ADAMTSL1: variants seen among roughly 807,000 people sequenced by gnomAD.
The protein encoded by ADAMTSL1 is ADAMTS like 1.
ADAMTSL1 carries 126 observed loss-of-function variants against 201.8 expected under a neutral mutation model. That is an observed-to-expected ratio of 0.62 (90% confidence interval 0.54 to 0.72). The LOEUF is 0.72. Ranked by LOEUF, ADAMTSL1 falls within the 30% of genes least tolerant of loss-of-function variation. ADAMTSL1 has a pLI of 0.00. For synonymous variants in ADAMTSL1, 1,121 were observed against 903.4 expected (o/e 1.24, Z -4.32); for missense variants, 2,679 against 2,277.8 (o/e 1.18, Z -3.59).
At chr9:17,918,710 A>T (rs1184976055) in intron 1 of ADAMTSL1, among the ~76,000 whole-genome samples, 1 of 151,866 alleles carries the variant, frequency 6.6e-6, no homozygotes, top group Non-Finnish European at 1.5e-5. Flanking sequence ...ACCATTGTTC[A>T]AGTCTTCCAT....
intron 1 of ADAMTSL1, among the ~76,000 whole-genome samples, chr9:18,013,744 T>C (rs1303215482): frequency 6.6e-6 from 1 of 152,000 alleles, no homozygotes; most frequent in African/African-American, 2.4e-5. Flanking sequence ...CCTCTGTTAG[T>C]CTAATTTAAA....
chr9:18,181,299 A>G (rs1238087042), intron 2 of ADAMTSL1, among the ~76,000 whole-genome samples: 1 of 152,234 alleles, frequency 6.6e-6, no homozygotes, highest in African/African-American at 2.4e-5. Context: ...ATCTCATTAA[A>G]CTAAAGAGCT....
intron 2 of ADAMTSL1, among the ~76,000 whole-genome samples, chr9:18,165,760 CT>C (rs1281942881): frequency 6.6e-6 from 1 of 151,942 alleles, no homozygotes; most frequent in Non-Finnish European, 1.5e-5. Flanking sequence ...CTAACAATTT[CT>C]GTGGAAGGTG....
chr9:17,925,439 A>G lies in ADAMTSL1; in HGVS notation c.87+18517A>G, dbSNP rs905196414. ...ATTGCGGCATTATTCACAATAGCAA[A>G]GACTTGGAACCAACCCAAATGTCCA... On this transcript the variant is annotated intron_variant, in intron 1 of 29. Transcript: ENST00000680146. Among the ~76,000 whole-genome samples the G allele has an allele frequency of 9.8e-3, 984 of 100,072 alleles. 127 individuals carry two copies. Among genetic ancestry groups the G allele is most frequent in the African/African-American group, 0.031 (921 of 30,034 alleles). The allele number at this position is 100,072 out of a possible 152,430, so 65.7% of individuals were successfully genotyped here.
intron 5 of ADAMTSL1, among the ~76,000 whole-genome samples, chr9:18,631,100 T>G (rs144623591): frequency 6.6e-6 from 1 of 152,328 alleles, no homozygotes; most frequent in East Asian, 1.9e-4. Context: ...TATTCTGATT[T>G]CATATATGTT....
intron 2 of ADAMTSL1, among the ~76,000 whole-genome samples, chr9:18,183,059 G>A (rs1289193590): frequency 1.3e-5 from 2 of 152,168 alleles, no homozygotes; most frequent in Non-Finnish European, 2.9e-5. Flanking sequence ...CAGGTAATCA[G>A]ACTTTCTCTT....
intron 3 of ADAMTSL1, among the ~76,000 whole-genome samples, chr9:18,559,950 G>A (rs935501419): frequency 7.9e-5 from 12 of 152,184 alleles, no homozygotes; most frequent in African/African-American, 2.9e-4. Flanking sequence ...TATGTCATCT[G>A]CAAACAGAGA....
At chr9:18,372,398 C>T (rs1310275135) in intron 2 of ADAMTSL1, among the ~76,000 whole-genome samples, 1 of 152,120 alleles carries the variant, frequency 6.6e-6, no homozygotes, top group Non-Finnish European at 1.5e-5. Context: ...TTACAAAGAC[C>T]TTTAAGATAA....
At chr9:18,714,524 C>G (rs1349456098) in intron 14 of ADAMTSL1, among the ~76,000 whole-genome samples, 2 of 125,616 alleles carry the variant, frequency 1.6e-5, no homozygotes, top group Non-Finnish European at 3.4e-5. Flanking sequence ...TCAACACATA[C>G]ACTCTCCCAA....
intron 2 of ADAMTSL1, among the ~76,000 whole-genome samples, chr9:18,194,477 G>A (rs1829094193): frequency 6.6e-6 from 1 of 152,044 alleles, no homozygotes; most frequent in East Asian, 1.9e-4. Flanking sequence ...CCTCCTAGTT[G>A]TGCCAGTAAC....
At chr9:17,964,188 C>G (rs1817880718) in intron 1 of ADAMTSL1, among the ~76,000 whole-genome samples, 1 of 152,040 alleles carries the variant, frequency 6.6e-6, no homozygotes, top group Admixed American at 6.6e-5. Flanking sequence ...AAAATATTTC[C>G]TTGGTCACTT....
intron 1 of ADAMTSL1, among the ~76,000 whole-genome samples, chr9:18,056,156 C>CTT (rs5896768): frequency 1.5e-4 from 22 of 145,002 alleles, no homozygotes; most frequent in South Asian, 4.4e-4. Context: ...TCAGCAAAAG[C>CTT]TTTTTTTTTT....
intron 1 of ADAMTSL1, among the ~76,000 whole-genome samples, chr9:18,126,351 C>G (rs1273055807): frequency 6.6e-6 from 1 of 152,154 alleles, no homozygotes; most frequent in Non-Finnish European, 1.5e-5. Flanking sequence ...TTATAAGTAA[C>G]TCATTCCTTT....
chr9:17,971,801 G>A (rs546789135), intron 1 of ADAMTSL1, among the ~76,000 whole-genome samples: 117 of 151,980 alleles, frequency 7.7e-4, no homozygotes, highest in African/African-American at 2.7e-3. Flanking sequence ...TTCATCAGGG[G>A]AGATTATCCT....
At chr9:18,088,412 GA>G (rs1823860740) in intron 1 of ADAMTSL1, among the ~76,000 whole-genome samples, 1 of 152,144 alleles carries the variant, frequency 6.6e-6, no homozygotes, top group Non-Finnish European at 1.5e-5. Context: ...ACATCACACT[GA>G]AGAGCTTTTA....
chr9:18,191,116 G>T (rs1323419114), intron 2 of ADAMTSL1, among the ~76,000 whole-genome samples: 2 of 152,134 alleles, frequency 1.3e-5, no homozygotes, highest in Non-Finnish European at 2.9e-5. Context: ...GGTGCCAGTT[G>T]AGGACTGGGT....
intron 2 of ADAMTSL1, among the ~76,000 whole-genome samples, chr9:18,315,869 A>G (rs756289871): frequency 6.6e-6 from 1 of 152,206 alleles, no homozygotes; most frequent in Non-Finnish European, 1.5e-5. Flanking sequence ...GGCTGCTAGC[A>G]TGTTGTCACC....
chr9:18,348,645 C>G (rs1835829378), intron 2 of ADAMTSL1, among the ~76,000 whole-genome samples: 1 of 152,090 alleles, frequency 6.6e-6, no homozygotes, highest in South Asian at 2.1e-4. Context: ...TGCAGACTTC[C>G]TTTTTACACA....
At chr9:18,344,164 A>G (rs1167884433) in intron 2 of ADAMTSL1, among the ~76,000 whole-genome samples, 1 of 152,172 alleles carries the variant, frequency 6.6e-6, no homozygotes, top group Non-Finnish European at 1.5e-5. Context: ...GGTTTGGTTC[A>G]CCCGAATACT....
Sources: gnomAD v4.1 joint callset for allele counts (sites outside exome capture counted in the v4.1 genomes callset) on GRCh38, gnomAD v4.1.1 for gene constraint, MANE v1.5 for transcripts, NCBI Gene and HGNC (gene_info 2026-07-23, HGNC 2026-07-21) for gene names.